RGS20: variants seen among roughly 807,000 people sequenced by gnomAD.
RGS20 encodes gz-selective GTPase-activating protein.
A neutral mutation model predicts 33.6 loss-of-function variants in RGS20; 30 were observed. The ratio of observed to expected loss-of-function variants is 0.89; its 90% CI spans 0.67 to 1.21. RGS20 has a LOEUF of 1.21. Ranked by LOEUF, RGS20 falls within the 50% of genes most tolerant of loss-of-function variation. The pLI, the probability that RGS20 is intolerant of heterozygous loss-of-function variation, is 0.00. For missense variants in RGS20, 472 were observed against 502.4 expected (o/e 0.94, Z 0.58); for synonymous variants, 208 against 197.9 (o/e 1.05, Z -0.43).
intron 2 of RGS20, among the ~76,000 whole-genome samples, chr8:53,898,680 A>G (rs1812932807): frequency 1.3e-5 from 2 of 152,242 alleles, no homozygotes; most frequent in Non-Finnish European, 2.9e-5. Flanking sequence ...TTAATTGCAC[A>G]TATTTATTGT....
At chr8:53,917,996 C>T (rs56863500) in intron 2 of RGS20, among the ~76,000 whole-genome samples, 7,465 of 152,176 alleles carry the variant, frequency 0.049, 487 homozygotes, top group African/African-American at 0.14. Context: ...ATGTGGACTT[C>T]GGGGTCTTGA....
At chr8:53,928,470 AG>A (rs1297486321) in intron 2 of RGS20, among the ~76,000 whole-genome samples, 1 of 152,230 alleles carries the variant, frequency 6.6e-6, no homozygotes, top group Non-Finnish European at 1.5e-5. Flanking sequence ...TCAAAATTAT[AG>A]TTCAGTAAAC....
rs1333506391 is a variant in RGS20 at position 53,879,314 on chromosome 8, C to A, written c.222C>A (p.Leu74=). The change falls in exon 2 of 6, where the codon CTC becomes CTA. Residue 74 remains leucine (L), a synonymous_variant. Transcript: ENST00000297313. Reference sequence around the variant, plus strand: ...CCGCCGCCCCGAAGCTGTTCGGCCTCCTTTCTAGCCCGCTTTCCAGCCTCG... The same window carrying A: ...CCGCCGCCCCGAAGCTGTTCGGCCTACTTTCTAGCCCGCTTTCCAGCCTCG... 3 of 1,613,520 alleles carry A rather than the reference C, an allele frequency of 1.9e-6. No individual in the cohort carries two copies. In the East Asian group the frequency reaches 6.7e-5, roughly 36 times the overall value.
intron 1 of RGS20, among the ~76,000 whole-genome samples, chr8:53,866,734 G>A (rs554216282): frequency 2.0e-5 from 3 of 152,202 alleles, no homozygotes; most frequent in African/African-American, 7.2e-5. Context: ...GAATGGAGTG[G>A]GGTGGGCAGA....
chr8:53,942,841 A>G (rs975199510), intron 3 of RGS20, among the ~76,000 whole-genome samples: 1 of 150,470 alleles, frequency 6.6e-6, no homozygotes, highest in Non-Finnish European at 1.5e-5. Flanking sequence ...AAAAAAAAAA[A>G]AAAAGTTAGC....
rs1471995031 is a variant in RGS20, at chr8:53,958,911, AG to A, written c.*454del. 2.0e-5 allele frequency: 3 copies of A among 152,382 alleles called. No individual in the cohort carries two copies. The highest frequency in any genetic ancestry group is 7.2e-5 in the African/African-American group (3 of 41,472). The allele number at this position is 152,382 out of a possible 1,614,324, so 9.4% of individuals were successfully genotyped here. ...GCTCGGTTTGAATACGTCACTTACC[AG>A]TGCCATTGCAGGACCCAAATTCACA... On this transcript the variant is annotated 3_prime_UTR_variant, in exon 6 of 6. Coordinates refer to ENST00000297313, the MANE Select transcript of RGS20 (RefSeq NM_170587.4).
chr8:53,917,246 C>T (rs538226218), intron 2 of RGS20, among the ~76,000 whole-genome samples: 1 of 152,276 alleles, frequency 6.6e-6, no homozygotes, highest in African/African-American at 2.4e-5. Flanking sequence ...CTCCCAGGTT[C>T]AAGTGATTCT....
intron 2 of RGS20, among the ~76,000 whole-genome samples, chr8:53,903,717 C>T (rs1813092911): frequency 6.6e-6 from 1 of 152,192 alleles, no homozygotes; most frequent in Admixed American, 6.5e-5. Flanking sequence ...AGCACACTCA[C>T]CCTAAAGCCA....
intron 2 of RGS20, among the ~76,000 whole-genome samples, chr8:53,917,229 C>T (rs887663395): frequency 1.2e-4 from 19 of 152,114 alleles, no homozygotes; most frequent in Admixed American, 3.3e-4. Context: ...CTCATTGCAA[C>T]GTCTGCCTCC....
intron 3 of RGS20, among the ~76,000 whole-genome samples, chr8:53,946,229 T>A (rs1009657556): frequency 8.5e-5 from 13 of 152,276 alleles, no homozygotes; most frequent in East Asian, 1.9e-4. Context: ...TTCATTTTTT[T>A]AATTTTTGTA....
At position 53,939,564 on chromosome 8, in the gene RGS20, T is replaced by TC; in HGVS notation, c.511-9dup. The TC allele has an allele frequency of 6.6e-7, 1 of 1,525,732 alleles. No individual in the cohort carries two copies. 94.5% of individuals were successfully genotyped at this position (1,525,732 alleles called of 1,614,324 possible). A position where few individuals can be genotyped will look rare whatever the true frequency, so the allele number is the denominator to read the frequency against. On this transcript the variant is annotated splice_polypyrimidine_tract_variant and intron_variant, in intron 2 of 5. Transcript: ENST00000297313. ...CCCCCTCCCGCCCGCTTTGTTCCTCTCCCTCTTGCAGCAGATGGGATCAGA... is the reference window on the plus strand; with the variant it reads ...CCCCCTCCCGCCCGCTTTGTTCCTCTCCCCTCTTGCAGCAGATGGGATCAGA...
chr8:53,928,879 C>T (rs1475987927), intron 2 of RGS20, among the ~76,000 whole-genome samples: 2 of 151,746 alleles, frequency 1.3e-5, no homozygotes, highest in Non-Finnish European at 2.9e-5. Context: ...TATATCTAAA[C>T]TTTTCAGCAA....
At chr8:53,876,346 T>G (rs923298810) in intron 1 of RGS20, 2 of 152,248 alleles carry the variant, frequency 1.3e-5, no homozygotes, top group African/African-American at 4.8e-5. Flanking sequence ...GGCACTCTGG[T>G]TGCTGTTCAG....
At chr8:53,908,989 A>G (rs1048835045) in intron 2 of RGS20, among the ~76,000 whole-genome samples, 6 of 151,708 alleles carry the variant, frequency 4.0e-5, no homozygotes, top group African/African-American at 1.5e-4. Flanking sequence ...TTAAAAATAT[A>G]CTTGGTAACA....
At chr8:53,913,262 G>T (rs901880578) in intron 2 of RGS20, among the ~76,000 whole-genome samples, 1 of 152,092 alleles carries the variant, frequency 6.6e-6, no homozygotes, top group Non-Finnish European at 1.5e-5. Context: ...ACCATGCCCA[G>T]CCTAAAAATA....
intron 2 of RGS20, chr8:53,879,686 C>G: frequency 8.6e-7 from 1 of 1,164,570 alleles, no homozygotes; most frequent in Non-Finnish European, 1.2e-6. Flanking sequence ...CCCCAACTGA[C>G]CCGCTCCGCT....
intron 2 of RGS20, 110 bp from the exon 1 acceptor site, chr8:53,880,762 C>A (rs540035768): frequency 2.1e-6 from 2 of 951,798 alleles, no homozygotes; most frequent in East Asian, 3.8e-5. Flanking sequence ...CCGCGTGGGG[C>A]CTCGGGGGTA....
At chr8:53,892,718 G>T (rs952685501) in intron 2 of RGS20, among the ~76,000 whole-genome samples, 1 of 152,092 alleles carries the variant, frequency 6.6e-6, no homozygotes, top group Non-Finnish European at 1.5e-5. Context: ...TCAGTAAGTG[G>T]TACCTCTTGC....
chr8:53,914,777 C>T (rs1278819131), intron 2 of RGS20: 1 of 152,118 alleles, frequency 6.6e-6, no homozygotes, highest in Non-Finnish European at 1.5e-5. Flanking sequence ...ATTAGCATGG[C>T]CCCTGCGCGA....
Sources: allele counts gnomAD v4.1 joint callset (sites outside exome capture counted in the v4.1 genomes callset), GRCh38; gene constraint gnomAD v4.1.1; transcripts MANE v1.5; gene names NCBI Gene and HGNC (gene_info 2026-07-23, HGNC 2026-07-21).